INO80: variants seen among roughly 807,000 people sequenced by gnomAD.
INO80 encodes the protein INO80 complex ATPase subunit.
Under a neutral mutation model 203.4 loss-of-function variants are expected in INO80, and 20 were observed. The observed-to-expected ratio is 0.10, with a 90% CI of 0.07 to 0.14. The LOEUF is 0.14. INO80 is among the 10% of genes least tolerant of loss of function. The pLI is 1.00. For missense variants in INO80, 1,419 were observed against 1,914.4 expected (o/e 0.74, Z 4.83); for synonymous variants, 726 against 685.2 (o/e 1.06, Z -0.93).
intron 28 of INO80, among the ~76,000 whole-genome samples, chr15:40,999,021 A>ACAC (rs1566904799): frequency 1.2e-5 from 1 of 86,858 alleles, no homozygotes; most frequent in African/African-American, 5.4e-5. Flanking sequence ...CACACACACA[A>ACAC]ATAAGGGCTC....
At chr15:41,091,943 C>A in intron 5 of INO80, 84 bp downstream of exon 5, 1 of 1,240,120 alleles carries the variant, frequency 8.1e-7, no homozygotes, top group Non-Finnish European at 1.1e-6. Context: ...TGAGCCACCA[C>A]GCCCAGCCAA....
At chr15:41,015,579 C>T (rs994443105) in intron 27 of INO80, among the ~76,000 whole-genome samples, 2 of 151,734 alleles carry the variant, frequency 1.3e-5, no homozygotes, top group African/African-American at 4.8e-5. Flanking sequence ...GGCAGAAGTC[C>T]TTCACATACT....
chr15:41,062,543 CAA>C, intron 14 of INO80, among the ~76,000 whole-genome samples: 1 of 152,144 alleles, frequency 6.6e-6, no homozygotes, highest in East Asian at 1.9e-4. Context: ...CAAAAAAAAC[CAA>C]AAAGAATAAA....
intron 1 of INO80, among the ~76,000 whole-genome samples, chr15:41,110,566 GT>G (rs1006729849): frequency 1.3e-5 from 2 of 152,234 alleles, no homozygotes; most frequent in African/African-American, 4.8e-5. Flanking sequence ...GGCCTCCAGA[GT>G]AGCTGGGACT....
chr15:41,050,991 T>G (rs78909713), intron 19 of INO80, among the ~76,000 whole-genome samples: 5,956 of 151,800 alleles, frequency 0.039, 415 homozygotes, highest in African/African-American at 0.14. Flanking sequence ...TAGCAGGGTG[T>G]GGTACCACGT....
chr15:41,097,636 C>G lies in INO80; in HGVS notation c.-43-1283G>C, dbSNP rs896675247. ...TACAGGCGTCCACCACCACACCTAGCTAATTTGTTGTATTTTTAGTAGAGA... is the reference window on the plus strand; with the variant it reads ...TACAGGCGTCCACCACCACACCTAGGTAATTTGTTGTATTTTTAGTAGAGA... On this transcript the variant is annotated intron_variant, in intron 1 of 35. Transcript: ENST00000648947. Among the ~76,000 whole-genome samples, 6 of 150,820 alleles carry G rather than the reference C, an allele frequency of 4.0e-5. 1 individual carries two copies. The South Asian group carries it at 1.3e-3, about 32-fold the overall frequency.
chr15:41,039,878 A>C (rs1050810282), intron 24 of INO80, among the ~76,000 whole-genome samples: 4 of 152,270 alleles, frequency 2.6e-5, no homozygotes, highest in African/African-American at 7.2e-5. Flanking sequence ...AGGCACACGT[A>C]AACTTCACAA....
intron 1 of INO80, among the ~76,000 whole-genome samples, chr15:41,106,352 C>T (rs1294537916): frequency 6.7e-6 from 1 of 149,494 alleles, no homozygotes; most frequent in East Asian, 2.0e-4. Flanking sequence ...CCACCACACT[C>T]CAGCCTGGGT....
At chr15:41,031,522 G>C (rs1464741649) in intron 24 of INO80, among the ~76,000 whole-genome samples, 1 of 89,410 alleles carries the variant, frequency 1.1e-5, no homozygotes, top group Admixed American at 1.3e-4. Flanking sequence ...AAGGGGAAGG[G>C]AGGAAGGAGA....
chr15:41,058,570 C>CGTGTGTGTGTGT (rs67053863), intron 16 of INO80, 69 bp downstream of exon 16: 1 of 450,808 alleles, frequency 2.2e-6, no homozygotes, highest in Non-Finnish European at 3.6e-6. Context: ...TGTGTGTGTG[C>CGTGTGTGTGTGT]GTGTGTGTGT....
At chr15:41,023,264 C>T (rs1295511425) in intron 25 of INO80, 1 of 455,918 alleles carries the variant, frequency 2.2e-6, no homozygotes, top group South Asian at 1.5e-5. Flanking sequence ...GGGTCTCTCT[C>T]CCTTCTATGA....
chr15:41,035,847 A>AAAAG (rs1555401518), intron 24 of INO80, among the ~76,000 whole-genome samples: 1 of 139,276 alleles, frequency 7.2e-6, no homozygotes, highest in Non-Finnish European at 1.6e-5. Flanking sequence ...AAAAAAAAAA[A>AAAAG]GTCTGGCGCC....
Position 41,096,223 on chromosome 15 carries a change from G to C in INO80, c.88C>G (p.Arg30Gly), listed in dbSNP as rs760563932. 1.1e-5 allele frequency: 18 copies of C among 1,613,104 alleles called. No individual in the cohort carries two copies. The highest frequency in any genetic ancestry group is 1.4e-5 in the Non-Finnish European group (17 of 1,179,810). ...GTTTGTCGCAGAAAATGGTCCAACC[G>C]GAGGGCCCTCTCCAAGTACTGAAGA... ...LYLQYLERAL[R>G]LDHFLRQTSA... The change falls in exon 2 of 36, where the codon CGG (arginine) becomes GGG (glycine). Residue 30 changes from arginine (R) to glycine (G), a missense_variant. Physicochemically the swap from Arg to Gly is moderately radical, Grantham distance 125. Transcript: ENST00000648947.
chr15:41,095,210 G>A (rs2045704314), intron 4 of INO80, among the ~76,000 whole-genome samples: 1 of 152,030 alleles, frequency 6.6e-6, no homozygotes, highest in Non-Finnish European at 1.5e-5. Flanking sequence ...GCGTGGTGGC[G>A]CATGCCTGTA....
chr15:41,044,956 C>G lies in INO80; in HGVS notation c.2855G>C (p.Gly952Ala), dbSNP rs1358692890. 6.2e-7 allele frequency: 1 copy of G among 1,613,878 alleles called. No homozygotes were observed. The highest frequency in any genetic ancestry group is 1.1e-5 in the South Asian group (1 of 91,028). ...RYLRNKDFLL[G>A]VNFPLSFPNL... ...TGGAAAGGAGAGTGGAAAATTAACC[C>G]CAAGAAGGAAATCCTTGTTCCTCAG... The change falls in exon 24 of 36, where the codon GGG (glycine) becomes GCG (alanine). Residue 952 changes from glycine to alanine, a missense_variant. Around this residue, in one of 9 missense-constraint regions of INO80, gnomAD observed 302 missense variants for 345.4 expected, o/e 0.87. Coordinates refer to ENST00000648947, the MANE Select transcript of INO80 (RefSeq NM_017553.3).
chr15:40,982,814 ACTGTCT>A (rs1187969396), intron 35 of INO80, 42 bp downstream of exon 35: 1 of 1,453,872 alleles, frequency 6.9e-7, no homozygotes, highest in African/African-American at 1.4e-5. Flanking sequence ...GAATTTCTAG[ACTGTCT>A]CTGACCAGAA....
chr15:40,985,340 T>C lies in INO80; in HGVS notation c.3919A>G (p.Lys1307Glu). ...RKRKREKYAE[K>E]KKKEDELDGK... is the part of the protein sequence containing the mutation. Reference sequence around the variant, plus strand: ...CCACCATTCCAGGCTGGAAATACCTTCTCTGCATACTTTTCCCGCTTCCGC... The same window carrying C: ...CCACCATTCCAGGCTGGAAATACCTCCTCTGCATACTTTTCCCGCTTCCGC... Residue 1307 changes from lysine (K) to glutamate (E), a missense_variant and splice_region_variant, in exon 32 of 36, where the codon AAG (lysine) becomes GAG (glutamate). Transcript: ENST00000648947. 1 of 1,613,000 alleles carries C rather than the reference T, an allele frequency of 6.2e-7. No homozygotes were observed. The highest frequency in any genetic ancestry group is 8.5e-7 in the Non-Finnish European group (1 of 1,179,024).
intron 35 of INO80, 35 bp downstream of exon 35, chr15:40,982,827 A>C: frequency 6.5e-7 from 1 of 1,545,722 alleles, no homozygotes; most frequent in Admixed American, 1.7e-5. Flanking sequence ...GTCTCTGACC[A>C]GAACAAAGTC....
At chr15:40,998,567 A>G (rs1237561597) in intron 28 of INO80, among the ~76,000 whole-genome samples, 2 of 152,182 alleles carry the variant, frequency 1.3e-5, no homozygotes, top group African/African-American at 4.8e-5. Flanking sequence ...AAATAAACCA[A>G]TAGGTACCAC....
Sources: gnomAD v4.1 joint callset for allele counts (sites outside exome capture counted in the v4.1 genomes callset) on GRCh38, gnomAD v4.1.1 for gene constraint, gnomAD v4.1.1 regional missense constraint, MANE v1.5 for transcripts, NCBI Gene and HGNC (gene_info 2026-07-23, HGNC 2026-07-21) for gene names.